SLC39A11: variants seen among roughly 807,000 people sequenced by gnomAD.
The protein encoded by SLC39A11 is solute carrier family 39 member 11.
Under a neutral mutation model 36.1 loss-of-function variants are expected in SLC39A11, and 33 were observed. That is an observed-to-expected ratio of 0.91 (90% CI 0.69 to 1.22). The LOEUF (loss-of-function observed/expected upper bound fraction) is 1.22. SLC39A11 is among the 50% of genes most tolerant of loss of function. SLC39A11 has a pLI of 0.00. For synonymous variants in SLC39A11, 166 were observed against 170.3 expected (o/e 0.97, Z 0.20); for missense variants, 432 against 430.3 (o/e 1.00, Z -0.03).
chr17:72,851,808 G>C (rs1405321699), intron 5 of SLC39A11, among the ~76,000 whole-genome samples: 1 of 152,056 alleles, frequency 6.6e-6, no homozygotes, highest in Non-Finnish European at 1.5e-5. Flanking sequence ...AAAAAACACG[G>C]AGCTCTCTGA....
At chr17:72,816,680 C>G (rs2077595057) in intron 6 of SLC39A11, among the ~76,000 whole-genome samples, 1 of 152,166 alleles carries the variant, frequency 6.6e-6, no homozygotes, top group Non-Finnish European at 1.5e-5. Flanking sequence ...ACACAACAAA[C>G]CCAAGCTCTC....
intron 7 of SLC39A11, among the ~76,000 whole-genome samples, chr17:72,655,774 G>A (rs180884247): frequency 5.3e-5 from 8 of 152,156 alleles, no homozygotes; most frequent in African/African-American, 1.9e-4. Context: ...CAAAGCAGGT[G>A]GTATTCGGGG....
At chr17:72,735,419 T>G (rs918103349) in intron 7 of SLC39A11, among the ~76,000 whole-genome samples, 1 of 152,134 alleles carries the variant, frequency 6.6e-6, no homozygotes, top group African/African-American at 2.4e-5. Context: ...AATTCGTTTC[T>G]GACAGTCACG....
At chr17:72,746,581 A>C (rs897588935) in intron 6 of SLC39A11, among the ~76,000 whole-genome samples, 1 of 152,098 alleles carries the variant, frequency 6.6e-6, no homozygotes, top group Non-Finnish European at 1.5e-5. Flanking sequence ...TACTAAAAAT[A>C]CAAAAAATTA....
intron 6 of SLC39A11, among the ~76,000 whole-genome samples, chr17:72,739,127 G>T (rs867986938): frequency 4.8e-5 from 5 of 104,714 alleles, no homozygotes; most frequent in Admixed American, 2.4e-4. Flanking sequence ...TGAGAATTTC[G>T]GATTTTTTTT....
At chr17:72,874,954 AT>A (rs1384617248) in intron 5 of SLC39A11, among the ~76,000 whole-genome samples, 1 of 152,222 alleles carries the variant, frequency 6.6e-6, no homozygotes, top group African/African-American at 2.4e-5. Context: ...GCTAAAGAAT[AT>A]TACAGTGGCT....
intron 4 of SLC39A11, among the ~76,000 whole-genome samples, chr17:72,967,935 C>T (rs529836929): frequency 6.6e-6 from 1 of 152,166 alleles, no homozygotes; most frequent in East Asian, 1.9e-4. Flanking sequence ...TCGGTTGTTA[C>T]AATTGTCTAC....
At chr17:72,932,025 A>G (rs1035916231) in intron 5 of SLC39A11, among the ~76,000 whole-genome samples, 1 of 152,182 alleles carries the variant, frequency 6.6e-6, no homozygotes, top group African/African-American at 2.4e-5. Context: ...CATCGATTTT[A>G]TAGTATATTT....
rs201425548 is a variant in SLC39A11 at position 72,649,158 on chromosome 17, G to T, written c.770+12C>A. 6.2e-6 allele frequency: 10 copies of T among 1,611,524 alleles called. No individual in the cohort carries two copies. Among genetic ancestry groups the T allele is most frequent in the Non-Finnish European group, 8.5e-6 (10 of 1,178,858 alleles). On this transcript the variant is annotated intron_variant, in intron 8 of 9. Coordinates refer to ENST00000255559, the MANE Select transcript of SLC39A11 (RefSeq NM_139177.4). Reference sequence around the variant, plus strand: ...ATGCTGTGACATGGCCTTGCCCTTGGGCAGCACTCACCAGAAAGCTCTCCA... The same window carrying T: ...ATGCTGTGACATGGCCTTGCCCTTGTGCAGCACTCACCAGAAAGCTCTCCA...
chr17:72,709,034 C>T (rs561009478), intron 7 of SLC39A11, among the ~76,000 whole-genome samples: 3 of 151,764 alleles, frequency 2.0e-5, no homozygotes, highest in Admixed American at 1.3e-4. Flanking sequence ...CTCCCAGGTT[C>T]ATGCCATTCT....
chr17:72,977,631 G>A (rs1368416790), intron 4 of SLC39A11, among the ~76,000 whole-genome samples: 1 of 152,070 alleles, frequency 6.6e-6, no homozygotes, highest in Non-Finnish European at 1.5e-5. Flanking sequence ...AAGTGAAAGA[G>A]CAAAGAGCAG....
In SLC39A11 at chr17:72,784,563, C is replaced by T. The variant is rs74532898; in HGVS notation, c.602-47844G>A. On this transcript the variant is annotated intron_variant, in intron 6 of 9. Transcript: ENST00000255559. The stretch of plus-strand genomic sequence containing the variant: ...CAAATATCATGTTGAATTGTAATGA[C>T]CGATGCTGGAGGTGGGGCCTGGCGG... Among the ~76,000 whole-genome samples the T allele has an allele frequency of 7.4e-3, 1,127 of 152,090 alleles. 37 individuals carry two copies. The East Asian group carries it at 0.094, about 13-fold the overall frequency.
intron 6 of SLC39A11, among the ~76,000 whole-genome samples, chr17:72,765,458 C>T (rs147113523): frequency 0.012 from 1,884 of 152,294 alleles, 19 homozygotes; most frequent in Non-Finnish European, 0.018. Context: ...CCCATTCCAC[C>T]GGCTCTGCAT....
At chr17:72,989,959 C>T (rs1011382581) in intron 4 of SLC39A11, among the ~76,000 whole-genome samples, 3 of 152,168 alleles carry the variant, frequency 2.0e-5, no homozygotes, top group Admixed American at 6.5e-5. Flanking sequence ...TTCGATGAGA[C>T]GTCATCCTAA....
intron 6 of SLC39A11, among the ~76,000 whole-genome samples, chr17:72,814,150 A>G (rs543980246): frequency 3.6e-4 from 55 of 152,310 alleles, no homozygotes; most frequent in African/African-American, 1.3e-3. Flanking sequence ...CCTCAGTCAT[A>G]GCAGCCACCT....
At chr17:72,938,003 AGCTGGGAGTT>A (rs1240030792) in intron 5 of SLC39A11, among the ~76,000 whole-genome samples, 1 of 152,228 alleles carries the variant, frequency 6.6e-6, no homozygotes, top group Admixed American at 6.5e-5. Flanking sequence ...CAGAGACCTA[AGCTGGGAGTT>A]GCTGGCAAAT....
intron 7 of SLC39A11, among the ~76,000 whole-genome samples, chr17:72,697,446 A>G (rs1392822049): frequency 6.6e-6 from 1 of 152,148 alleles, no homozygotes; most frequent in Non-Finnish European, 1.5e-5. Context: ...TCTATCTTCA[A>G]TTTGCTCCCA....
At chr17:72,763,621 A>G (rs540500140) in intron 6 of SLC39A11, among the ~76,000 whole-genome samples, 1 of 152,356 alleles carries the variant, frequency 6.6e-6, no homozygotes, top group East Asian at 1.9e-4. Context: ...TCTTGACTGT[A>G]TCTGAATAAA....
At chr17:72,784,863 T>C (rs35979501) in intron 6 of SLC39A11, among the ~76,000 whole-genome samples, 31 of 76,940 alleles carry the variant, frequency 4.0e-4, no homozygotes, top group South Asian at 7.9e-4. Flanking sequence ...CTTTCTTCTT[T>C]TTTTTTTTTT....
Sources: gnomAD v4.1 joint callset for allele counts (sites outside exome capture counted in the v4.1 genomes callset) on GRCh38, gnomAD v4.1.1 for gene constraint, MANE v1.5 for transcripts, NCBI Gene and HGNC (gene_info 2026-07-23, HGNC 2026-07-21) for gene names.